IL1RAPL1: variants seen among roughly 807,000 people sequenced by gnomAD.
IL1RAPL1 encodes interleukin 1 receptor accessory protein like 1, also known as interleukin-1 receptor accessory protein-like 1.
In IL1RAPL1, 3 loss-of-function variants were observed where a neutral mutation model predicts 48.4. The ratio of observed to expected loss-of-function variants is 0.06; its 90% CI spans 0.03 to 0.16. The LOEUF (loss-of-function observed/expected upper bound fraction) is 0.16, where lower values mean the gene tolerates loss of function less well. Among genes scored for constraint, IL1RAPL1 ranks in the 10% least tolerant of loss-of-function variants. The pLI is 1.00. For synonymous variants in IL1RAPL1, 185 were observed against 187.7 expected (o/e 0.99, Z 0.12); for missense variants, 349 against 530.6 (o/e 0.66, Z 3.36).
At chrX:29,054,761 A>G (rs1012311873) in intron 2 of IL1RAPL1, among the ~76,000 whole-genome samples, 7 of 111,969 alleles carry the variant, frequency 6.3e-5, no homozygotes, top group Non-Finnish European at 1.1e-4. Context: ...GGCCTCCCAA[A>G]TTATTTTTTT....
chrX:29,947,066 C>T (rs763650617), intron 9 of IL1RAPL1, among the ~76,000 whole-genome samples: 35 of 111,375 alleles, frequency 3.1e-4, no homozygotes, highest in South Asian at 3.8e-4. Context: ...TTGTAGTGAC[C>T]GCCTCTGGAG....
chrX:29,361,999 A>G (rs1217241469), intron 3 of IL1RAPL1, among the ~76,000 whole-genome samples: 1 of 112,185 alleles, frequency 8.9e-6, no homozygotes, highest in Non-Finnish European at 1.9e-5. Flanking sequence ...AATGAGGGCA[A>G]GTGATAAAAA....
intron 2 of IL1RAPL1, among the ~76,000 whole-genome samples, chrX:29,044,249 C>T (rs1251977304): frequency 3.6e-5 from 4 of 110,109 alleles, no homozygotes; most frequent in South Asian, 4.0e-4. Flanking sequence ...CTGGCCAACA[C>T]GGTGAAACCC....
At chrX:29,401,879 T>C (rs1933997350) in intron 5 of IL1RAPL1, among the ~76,000 whole-genome samples, 2 of 110,747 alleles carry the variant, frequency 1.8e-5, no homozygotes, top group East Asian at 2.8e-4. Context: ...TCCAGCACTT[T>C]TGGTATTTTA....
intron 2 of IL1RAPL1, among the ~76,000 whole-genome samples, chrX:29,022,240 C>G (rs1311633468): frequency 9.0e-6 from 1 of 111,525 alleles, no homozygotes; most frequent in African/African-American, 3.3e-5. Context: ...CTCAAGGCAC[C>G]TGTCACCACC....
intron 6 of IL1RAPL1, among the ~76,000 whole-genome samples, chrX:29,719,652 A>C: frequency 9.2e-6 from 1 of 108,462 alleles, no homozygotes; most frequent in Non-Finnish European, 1.9e-5. Context: ...TTGGGGGAGG[A>C]AAATGAAAAC....
At chrX:28,838,908 C>T (rs1487111241) in intron 2 of IL1RAPL1, among the ~76,000 whole-genome samples, 1 of 111,004 alleles carries the variant, frequency 9.0e-6, no homozygotes, top group Non-Finnish European at 1.9e-5. Context: ...GAAATACGCA[C>T]ATTAATTTTG....
chrX:29,045,919 T>C (rs867051760), intron 2 of IL1RAPL1, among the ~76,000 whole-genome samples: 10 of 83,570 alleles, frequency 1.2e-4, no homozygotes, highest in East Asian at 4.2e-4. Flanking sequence ...CTCCTCCTTC[T>C]TCCTCCTCCT....
chrX:28,960,888 T>C (rs1453651227), intron 2 of IL1RAPL1, among the ~76,000 whole-genome samples: 1 of 108,388 alleles, frequency 9.2e-6, no homozygotes, highest in African/African-American at 3.4e-5. Context: ...CGGGCGCCTG[T>C]AGTCCCAGCT....
chrX:28,861,627 A>C (rs1460641730), intron 2 of IL1RAPL1, among the ~76,000 whole-genome samples: 2 of 111,351 alleles, frequency 1.8e-5, no homozygotes, highest in Non-Finnish European at 3.8e-5. Flanking sequence ...AAAACCTAGA[A>C]GCACAATGAA....
At chrX:29,406,347 A>G (rs187327531) in intron 5 of IL1RAPL1, among the ~76,000 whole-genome samples, 1 of 109,222 alleles carries the variant, frequency 9.2e-6, no homozygotes, top group African/African-American at 3.3e-5. Context: ...CGAAATCGCG[A>G]CACTGCACTC....
At chrX:29,446,989 T>A (rs1458952572) in intron 5 of IL1RAPL1, among the ~76,000 whole-genome samples, 1 of 111,896 alleles carries the variant, frequency 8.9e-6, no homozygotes, top group Non-Finnish European at 1.9e-5. Flanking sequence ...CTACATGATC[T>A]TATTTTGAAT....
intron 5 of IL1RAPL1, among the ~76,000 whole-genome samples, chrX:29,569,349 T>G (rs989228472): frequency 1.8e-5 from 2 of 111,068 alleles, no homozygotes; most frequent in Non-Finnish European, 3.8e-5. Context: ...GGCTCCAATC[T>G]CAGAGAGCCT....
At chrX:29,353,409 A>G (rs1457542932) in intron 3 of IL1RAPL1, among the ~76,000 whole-genome samples, 1 of 111,907 alleles carries the variant, frequency 8.9e-6, no homozygotes, top group Non-Finnish European at 1.9e-5. Flanking sequence ...TTTTTAAAAA[A>G]TCAATTAATG....
intron 1 of IL1RAPL1, among the ~76,000 whole-genome samples, chrX:28,756,192 T>G (rs902444953): frequency 5.4e-5 from 6 of 112,080 alleles, no homozygotes; most frequent in Admixed American, 1.9e-4. Context: ...CCAGGAGACT[T>G]TCAAGATTTC....
intron 2 of IL1RAPL1, among the ~76,000 whole-genome samples, chrX:29,073,439 G>A (rs1040177378): frequency 4.5e-5 from 5 of 111,124 alleles, no homozygotes; most frequent in South Asian, 3.8e-4. Flanking sequence ...TGATTACACC[G>A]TTTTTCATTA....
chrX:29,705,944 C>G (rs1331628619), intron 6 of IL1RAPL1, among the ~76,000 whole-genome samples: 1 of 112,334 alleles, frequency 8.9e-6, no homozygotes, highest in Non-Finnish European at 1.9e-5. Context: ...CTAAACTGGA[C>G]AATTTACAAA....
chrX:29,232,674 TTGTC>T, intron 2 of IL1RAPL1, among the ~76,000 whole-genome samples: 1 of 112,421 alleles, frequency 8.9e-6, no homozygotes, highest in Non-Finnish European at 1.9e-5. Context: ...GCAACAGTGT[TTGTC>T]TGTTATACCT....
intron 2 of IL1RAPL1, among the ~76,000 whole-genome samples, chrX:29,114,264 A>T (rs929143306): frequency 8.9e-6 from 1 of 111,987 alleles, no homozygotes; most frequent in African/African-American, 3.2e-5. Context: ...CTTTAAGAGG[A>T]CATTTTAACG....
Sources: gnomAD v4.1 joint callset for allele counts (sites outside exome capture counted in the v4.1 genomes callset) on GRCh38, gnomAD v4.1.1 for gene constraint, MANE v1.5 for transcripts, NCBI Gene and HGNC (gene_info 2026-07-23, HGNC 2026-07-21) for gene names.